ZNF407: variants seen among roughly 807,000 people sequenced by gnomAD.
The protein encoded by ZNF407 is zinc finger protein 407.
Under a neutral mutation model 131.2 loss-of-function variants are expected in ZNF407, and 17 were observed. That is an observed-to-expected ratio of 0.13 (90% CI 0.09 to 0.19). The LOEUF is 0.19. ZNF407 is among the 10% of genes least tolerant of loss of function. The pLI is 1.00. For missense variants in ZNF407, 2,681 were observed against 2,830.6 expected (o/e 0.95, Z 1.20); for synonymous variants, 1,156 against 1,062.0 (o/e 1.09, Z -1.72).
Position 74,668,466 on chromosome 18 carries a change from G to A in ZNF407, c.4802+27344G>A, listed in dbSNP as rs574413300. 6.7e-4 allele frequency among the ~76,000 whole-genome samples: 102 copies of A among 152,218 alleles called. 1 individual carries two copies. The South Asian group carries it at 8.9e-3, about 13-fold the overall frequency. Reference sequence around the variant, plus strand: ...GAATTGTTCTGTTCATCACAGTTACGTCTCCACAGCCTTTAAAGTTTGCGT... The same window carrying A: ...GAATTGTTCTGTTCATCACAGTTACATCTCCACAGCCTTTAAAGTTTGCGT... On this transcript the variant is annotated intron_variant, in intron 3 of 8. Coordinates refer to ENST00000299687, the MANE Select transcript of ZNF407 (RefSeq NM_017757.3).
rs73474490 is a variant in ZNF407, at chr18:74,865,114, G to A, written c.4878-12083G>A. ...GATGCTGTACTCACCACTCACCTGG[G>A]ACTCTCCTTAGGCACCTGGCCAGGT... is the stretch of plus-strand genomic sequence containing the variant. On this transcript the variant is annotated intron_variant, in intron 4 of 8. Coordinates refer to ENST00000299687, the MANE Select transcript of ZNF407 (RefSeq NM_017757.3). Among the ~76,000 whole-genome samples, 299 of 152,284 alleles carry A rather than the reference G, an allele frequency of 2.0e-3. 2 individuals are homozygous for A. The highest frequency in any genetic ancestry group is 6.9e-3 in the African/African-American group (288 of 41,570).
intron 3 of ZNF407, among the ~76,000 whole-genome samples, chr18:74,670,685 G>C (rs997907613): frequency 6.6e-6 from 1 of 152,104 alleles, no homozygotes; most frequent in Non-Finnish European, 1.5e-5. Context: ...TCTTTACCAT[G>C]TTTTATTTTT....
At chr18:74,948,563 A>G (rs1038734386) in intron 8 of ZNF407, among the ~76,000 whole-genome samples, 1 of 152,200 alleles carries the variant, frequency 6.6e-6, no homozygotes, top group African/African-American at 2.4e-5. Flanking sequence ...CGACACTACC[A>G]AGTTAATTTA....
intron 6 of ZNF407, among the ~76,000 whole-genome samples, chr18:74,886,541 G>C (rs572504319): frequency 1.3e-5 from 2 of 152,130 alleles, no homozygotes; most frequent in Non-Finnish European, 2.9e-5. Context: ...TGGTACACCC[G>C]TATAATGGAA....
At chr18:74,775,077 A>T (rs1292615320) in intron 3 of ZNF407, among the ~76,000 whole-genome samples, 1 of 152,220 alleles carries the variant, frequency 6.6e-6, no homozygotes, top group African/African-American at 2.4e-5. Flanking sequence ...TCACAATTAA[A>T]AAATAAAAGT....
chr18:74,619,716 G>T (rs940014958), intron 1 of ZNF407, among the ~76,000 whole-genome samples: 12 of 152,086 alleles, frequency 7.9e-5, no homozygotes, highest in African/African-American at 2.9e-4. Flanking sequence ...TTTCATGACT[G>T]ATTTTATAGA....
chr18:74,873,470 G>GA (rs1466948833), intron 4 of ZNF407, among the ~76,000 whole-genome samples: 1 of 152,172 alleles, frequency 6.6e-6, no homozygotes, highest in South Asian at 2.1e-4. Context: ...GGGTGCTAAT[G>GA]AAAAAAACAA....
intron 8 of ZNF407, among the ~76,000 whole-genome samples, chr18:75,031,917 CA>C (rs1292839195): frequency 7.2e-5 from 11 of 152,196 alleles, no homozygotes; most frequent in Admixed American, 3.3e-4. Context: ...CAATTTTTAG[CA>C]GCTGATCCAG....
intron 7 of ZNF407, among the ~76,000 whole-genome samples, chr18:74,907,870 G>A (rs1376676951): frequency 2.0e-5 from 3 of 152,086 alleles, no homozygotes; most frequent in Admixed American, 6.5e-5. Flanking sequence ...ATTACCAGAG[G>A]TATATCATTT....
intron 4 of ZNF407, among the ~76,000 whole-genome samples, chr18:74,866,627 G>A (rs569922227): frequency 5.9e-5 from 9 of 151,728 alleles, no homozygotes; most frequent in Admixed American, 1.3e-4. Context: ...TATATCAGTT[G>A]TATGAGTCTA....
At chr18:74,640,736 C>T (rs1313627874) in intron 2 of ZNF407, among the ~76,000 whole-genome samples, 3 of 152,150 alleles carry the variant, frequency 2.0e-5, no homozygotes, top group Non-Finnish European at 4.4e-5. Flanking sequence ...TAGCTCATCT[C>T]ATCGACTTAG....
intron 8 of ZNF407, among the ~76,000 whole-genome samples, chr18:74,995,982 G>C (rs1329261728): frequency 3.3e-5 from 5 of 152,122 alleles, no homozygotes; most frequent in Non-Finnish European, 7.4e-5. Flanking sequence ...CATGGTCTTT[G>C]GAAGCTTTTA....
intron 7 of ZNF407, among the ~76,000 whole-genome samples, chr18:74,898,878 TG>T (rs1180618944): frequency 2.6e-5 from 4 of 152,210 alleles, no homozygotes; most frequent in African/African-American, 9.6e-5. Context: ...TTGAAGTGTC[TG>T]GGGGGAAAAG....
At chr18:74,720,927 C>CTTTTTTTTTT (rs34746909) in intron 3 of ZNF407, among the ~76,000 whole-genome samples, 4 of 143,632 alleles carry the variant, frequency 2.8e-5, no homozygotes, top group Non-Finnish European at 4.6e-5. Flanking sequence ...ATACCTTCAG[C>CTTTTTTTTTT]TTTTTTTTTT....
intron 7 of ZNF407, among the ~76,000 whole-genome samples, chr18:74,904,688 T>C (rs978287688): frequency 5.4e-4 from 82 of 152,156 alleles, no homozygotes; most frequent in African/African-American, 1.9e-3. Context: ...CCGCTTCTTA[T>C]TGGTTGTAGA....
intron 1 of ZNF407, among the ~76,000 whole-genome samples, chr18:74,629,202 A>G (rs1000106903): frequency 1.3e-5 from 2 of 152,156 alleles, no homozygotes; most frequent in Admixed American, 1.3e-4. Flanking sequence ...CAGTTTTTCC[A>G]CATTCTTGCC....
At chr18:74,992,100 T>A (rs1165323668) in intron 8 of ZNF407, among the ~76,000 whole-genome samples, 1 of 152,072 alleles carries the variant, frequency 6.6e-6, no homozygotes, top group African/African-American at 2.4e-5. Context: ...AGGGGAGGGA[T>A]GAAGATGTAT....
At chr18:74,858,007 TCTTCCTTCC>T (rs1251471854) in intron 4 of ZNF407, among the ~76,000 whole-genome samples, 1 of 144,246 alleles carries the variant, frequency 6.9e-6, no homozygotes, top group African/African-American at 2.6e-5. Flanking sequence ...CTCTCCCCTT[TCTTCCTTCC>T]CTTCCTTCCC....
At chr18:75,020,766 A>T (rs1188539227) in intron 8 of ZNF407, among the ~76,000 whole-genome samples, 2 of 152,194 alleles carry the variant, frequency 1.3e-5, no homozygotes, top group East Asian at 3.9e-4. Context: ...TAAGTTTTGG[A>T]ATATGGACAG....
Sources: gnomAD v4.1 joint callset for allele counts (sites outside exome capture counted in the v4.1 genomes callset) on GRCh38, gnomAD v4.1.1 for gene constraint, MANE v1.5 for transcripts, NCBI Gene and HGNC (gene_info 2026-07-23, HGNC 2026-07-21) for gene names.